PDE4D: variants seen among roughly 807,000 people sequenced by gnomAD.
PDE4D encodes phosphodiesterase 4D.
A neutral mutation model predicts 87.4 loss-of-function variants in PDE4D; 24 were observed. That is an observed-to-expected ratio of 0.27 (90% CI 0.20 to 0.39). The LOEUF (loss-of-function observed/expected upper bound fraction) is 0.39, where lower values mean the gene tolerates loss of function less well. Ranked by LOEUF, PDE4D falls within the 10% of genes least tolerant of loss-of-function variation. The probability of loss-of-function intolerance (pLI) is 1.00; values close to 1 mark genes in which losing one functional copy is unlikely to be tolerated. For synonymous variants in PDE4D, 384 were observed against 383.2 expected, an observed-to-expected ratio of 1.00 and a Z score of -0.02; for missense variants, 714 against 1,041.0, an observed-to-expected ratio of 0.69 and a Z score of 4.32.
chr5:60,407,174 C>A (rs1741609811), intron 1 of PDE4D, among the ~76,000 whole-genome samples: 1 of 152,054 alleles, frequency 6.6e-6, no homozygotes. Flanking sequence ...CCTGAGAGTA[C>A]CTTTACCTAT....
At chr5:59,195,714 G>T (rs1481617227) in intron 2 of PDE4D, among the ~76,000 whole-genome samples, 1 of 152,224 alleles carries the variant, frequency 6.6e-6, no homozygotes, top group Non-Finnish European at 1.5e-5. Flanking sequence ...CATACATAGA[G>T]TGATGTTTTG....
intron 2 of PDE4D, among the ~76,000 whole-genome samples, chr5:60,053,904 A>G (rs559909616): frequency 6.6e-6 from 1 of 152,358 alleles, no homozygotes; most frequent in Non-Finnish European, 1.5e-5. Flanking sequence ...TCAAAAGAAG[A>G]CTTTTATGCG....
At chr5:59,657,529 A>G (rs1217053619) in intron 1 of PDE4D, among the ~76,000 whole-genome samples, 1 of 152,204 alleles carries the variant, frequency 6.6e-6, no homozygotes, top group Non-Finnish European at 1.5e-5. Flanking sequence ...TAAAAATAAC[A>G]GCAACTCTGC....
In PDE4D at chr5:60,197,089, A is replaced by T. The variant is rs369736593; in HGVS notation, c.-89-11402T>A. Among the ~76,000 whole-genome samples, 504 of 125,606 alleles carry T rather than the reference A, an allele frequency of 4.0e-3. 4 individuals are homozygous for T. Among genetic ancestry groups the T allele is most frequent in the African/African-American group, 0.013 (451 of 34,526 alleles). The allele number at this position is 125,606 out of a possible 152,430, so 82.4% of individuals were successfully genotyped here. A position where few individuals can be genotyped will look rare whatever the true frequency, so the allele number is the denominator to read the frequency against. On this transcript the variant is annotated intron_variant, in intron 1 of 16. Transcript: ENST00000502484. The stretch of plus-strand genomic sequence containing the variant: ...GATAGATAGACAGTTAGATAGATAG[A>T]TAGATAGATAGATAGATAGATAGAT...
rs571535148 is a variant in PDE4D, at chr5:59,240,503, G to A, written c.456-24535C>T. On this transcript the variant is annotated intron_variant, in intron 1 of 14. Transcript: ENST00000340635. ...ATATTTGATGAGTGGTGTAGGTGAT[G>A]AATGAATGGCACATGTCTGTAAAAC... is the stretch of plus-strand genomic sequence containing the variant. 7.2e-5 allele frequency among the ~76,000 whole-genome samples: 11 copies of A among 152,272 alleles called. No homozygotes were observed. The Middle Eastern group carries it at 0.024, about 330-fold the overall frequency.
At chr5:59,911,555 G>C (rs1753441446) in intron 3 of PDE4D, among the ~76,000 whole-genome samples, 1 of 152,134 alleles carries the variant, frequency 6.6e-6, no homozygotes, top group African/African-American at 2.4e-5. Context: ...TGTTCAGCAG[G>C]CTCTGCGTGA....
intron 1 of PDE4D, among the ~76,000 whole-genome samples, chr5:59,368,884 T>A (rs892665271): frequency 6.6e-6 from 1 of 152,190 alleles, no homozygotes; most frequent in African/African-American, 2.4e-5. Context: ...AACCCTGAGC[T>A]AGGTAAAATG....
chr5:59,335,414 A>T (rs1777488659), intron 1 of PDE4D, among the ~76,000 whole-genome samples: 5 of 152,220 alleles, frequency 3.3e-5, no homozygotes, highest in Admixed American at 2.6e-4. Flanking sequence ...AAAGAACTGC[A>T]TCTATTTCAC....
At chr5:59,078,060 C>T (rs190071378) in intron 5 of PDE4D, among the ~76,000 whole-genome samples, 2 of 152,246 alleles carry the variant, frequency 1.3e-5, no homozygotes, top group East Asian at 3.9e-4. Context: ...ATCTCTTCTT[C>T]TCTTATATCC....
chr5:59,127,600 T>TCC (rs1170462233), intron 5 of PDE4D, among the ~76,000 whole-genome samples: 2 of 97,000 alleles, frequency 2.1e-5, no homozygotes, highest in African/African-American at 8.1e-5. Flanking sequence ...CTTCTTTCCC[T>TCC]CCCCACCCCC....
chr5:60,341,303 A>G (rs1758297000), intron 1 of PDE4D, among the ~76,000 whole-genome samples: 1 of 152,210 alleles, frequency 6.6e-6, no homozygotes, highest in Non-Finnish European at 1.5e-5. Flanking sequence ...GCAGGCATCC[A>G]GGCCTCCTCT....
intron 1 of PDE4D, among the ~76,000 whole-genome samples, chr5:59,750,606 ATATT>A (rs1337154556): frequency 4.6e-5 from 7 of 152,076 alleles, no homozygotes; most frequent in African/African-American, 9.7e-5. Flanking sequence ...ACCCACTGGA[ATATT>A]TATTTGTGTG....
intron 1 of PDE4D, chr5:60,459,883 C>A: frequency 1.5e-6 from 1 of 657,408 alleles, no homozygotes; most frequent in Non-Finnish European, 2.8e-6. Context: ...TCCTTCCTCC[C>A]CTTCATCATC....
intron 1 of PDE4D, among the ~76,000 whole-genome samples, chr5:59,710,819 A>G (rs1754096398): frequency 6.6e-6 from 1 of 152,234 alleles, no homozygotes; most frequent in Admixed American, 6.5e-5. Flanking sequence ...TATAAAGAAT[A>G]GGGTTAACCA....
intron 1 of PDE4D, among the ~76,000 whole-genome samples, chr5:59,874,761 G>A (rs1458498593): frequency 1.3e-5 from 2 of 152,136 alleles, no homozygotes; most frequent in African/African-American, 4.8e-5. Context: ...TTTCCAACCT[G>A]ACTTGGTGAC....
chr5:59,592,030 A>G, intron 1 of PDE4D: 5 of 397,906 alleles, frequency 1.3e-5, no homozygotes, highest in Non-Finnish European at 1.7e-5. Flanking sequence ...ATCAACTAAT[A>G]AAGAGGTGAG....
At chr5:60,507,655 A>T (rs2150252063) in intron 1 of PDE4D, among the ~76,000 whole-genome samples, 1 of 152,284 alleles carries the variant, frequency 6.6e-6, no homozygotes, top group Admixed American at 6.5e-5. Context: ...TATTTAAAAA[A>T]AAAAATCTTC....
intron 1 of PDE4D, among the ~76,000 whole-genome samples, chr5:60,321,792 G>C (rs766559490): frequency 6.6e-6 from 1 of 152,056 alleles, no homozygotes; most frequent in Non-Finnish European, 1.5e-5. Context: ...ATGTAAAAAT[G>C]TTCAACATCA....
intron 1 of PDE4D, among the ~76,000 whole-genome samples, chr5:59,558,029 G>A (rs150139639): frequency 3.9e-5 from 6 of 152,268 alleles, no homozygotes; most frequent in African/African-American, 9.6e-5. Flanking sequence ...TACAGGAACC[G>A]TAAGGTTTAA....
Sources: gnomAD v4.1 joint callset for allele counts (sites outside exome capture counted in the v4.1 genomes callset) on GRCh38, gnomAD v4.1.1 for gene constraint, MANE v1.5 for transcripts, NCBI Gene and HGNC (gene_info 2026-07-23, HGNC 2026-07-21) for gene names.